FOXP1: variants seen among roughly 807,000 people sequenced by gnomAD.
FOXP1 encodes the protein forkhead box P1, also known as forkhead box protein P1.
A neutral mutation model predicts 98.2 loss-of-function variants in FOXP1; 15 were observed. The observed-to-expected ratio is 0.15, with a 90% CI of 0.10 to 0.24. The LOEUF (loss-of-function observed/expected upper bound fraction) is 0.24, where lower values mean the gene tolerates loss of function less well. FOXP1 is among the 10% of genes least tolerant of loss of function. The probability of loss-of-function intolerance (pLI) is 1.00; values close to 1 mark genes in which losing one functional copy is unlikely to be tolerated. For synonymous variants in FOXP1, 371 were observed against 314.5 expected, an observed-to-expected ratio of 1.18 and a Z score of -1.90; for missense variants, 633 against 848.5, an observed-to-expected ratio of 0.75 and a Z score of 3.15.
At chr3:71,580,240 G>A (rs535315279) in intron 2 of FOXP1, among the ~76,000 whole-genome samples, 158 of 151,788 alleles carry the variant, frequency 1.0e-3, no homozygotes, top group Non-Finnish European at 1.8e-3. Context: ...CAAAGTCTAA[G>A]GGGGGTGGGG....
intron 20 of FOXP1, among the ~76,000 whole-genome samples, chr3:70,961,577 G>A (rs1039447400): frequency 1.3e-5 from 2 of 152,034 alleles, no homozygotes; most frequent in African/African-American, 4.8e-5. Flanking sequence ...TGCAAGGAAG[G>A]CTGCATGGGG....
chr3:71,196,290 T>A (rs2063296280), intron 6 of FOXP1, among the ~76,000 whole-genome samples: 1 of 152,218 alleles, frequency 6.6e-6, no homozygotes, highest in African/African-American at 2.4e-5. Context: ...TGTTTGCAAC[T>A]GATACTTTTT....
At chr3:71,001,600 G>A (rs2042134788) in intron 12 of FOXP1, among the ~76,000 whole-genome samples, 1 of 152,052 alleles carries the variant, frequency 6.6e-6, no homozygotes, top group African/African-American at 2.4e-5. Flanking sequence ...GTGGGGGGTG[G>A]GGGAGAGAAA....
At chr3:71,562,881 C>T (rs1311815247) in intron 2 of FOXP1, among the ~76,000 whole-genome samples, 1 of 152,168 alleles carries the variant, frequency 6.6e-6, no homozygotes, top group Non-Finnish European at 1.5e-5. Context: ...CTTCCTGGGC[C>T]CATTCCTTTG....
chr3:70,985,120 A>C (rs967329535), intron 14 of FOXP1, among the ~76,000 whole-genome samples: 11 of 152,246 alleles, frequency 7.2e-5, no homozygotes, highest in Non-Finnish European at 1.5e-5. Flanking sequence ...AATGGAAAAA[A>C]GAAAAAGCTT....
At chr3:71,289,131 TC>T (rs2072488635) in intron 5 of FOXP1, among the ~76,000 whole-genome samples, 1 of 151,540 alleles carries the variant, frequency 6.6e-6, no homozygotes, top group Non-Finnish European at 1.5e-5. Context: ...GTCTCCCGGG[TC>T]CCAGTTCAAG....
chr3:70,967,599 A>T (rs142454732), intron 19 of FOXP1, among the ~76,000 whole-genome samples: 1 of 150,990 alleles, frequency 6.6e-6, no homozygotes, highest in African/African-American at 2.4e-5. Flanking sequence ...TTTTTCCAAC[A>T]GCTCTTTTAT....
intron 6 of FOXP1, among the ~76,000 whole-genome samples, chr3:71,139,212 A>T (rs1401283325): frequency 6.6e-6 from 1 of 152,190 alleles, no homozygotes; most frequent in Non-Finnish European, 1.5e-5. Context: ...TAATTGGGGT[A>T]ACGCAGAATC....
intron 7 of FOXP1, among the ~76,000 whole-genome samples, chr3:71,056,392 A>G (rs1369184704): frequency 6.6e-6 from 1 of 152,140 alleles, no homozygotes; most frequent in South Asian, 2.1e-4. Context: ...CTTTTCCCAT[A>G]ATCATTTATT....
intron 6 of FOXP1, among the ~76,000 whole-genome samples, chr3:71,126,890 C>A (rs201870705): frequency 1.2e-3 from 154 of 131,940 alleles, no homozygotes; most frequent in East Asian, 5.8e-3. Context: ...AAAACAAAAA[C>A]AAAAAAAAAA....
intron 4 of FOXP1, among the ~76,000 whole-genome samples, chr3:71,301,370 A>G (rs1450306576): frequency 6.6e-6 from 1 of 152,202 alleles, no homozygotes; most frequent in East Asian, 1.9e-4. Flanking sequence ...CAGGTCCTCA[A>G]GGTAGAGCTA....
intron 5 of FOXP1, among the ~76,000 whole-genome samples, chr3:71,204,167 T>G (rs1273799693): frequency 6.6e-6 from 1 of 152,194 alleles, no homozygotes; most frequent in African/African-American, 2.4e-5. Flanking sequence ...GTTGCATCAT[T>G]AAGATTTAAA....
At chr3:71,541,684 A>G (rs2044832745) in intron 2 of FOXP1, among the ~76,000 whole-genome samples, 1 of 152,176 alleles carries the variant, frequency 6.6e-6, no homozygotes. Flanking sequence ...CTCCGAGAGC[A>G]TTAAAAAAAA....
intron 2 of FOXP1, among the ~76,000 whole-genome samples, chr3:71,530,018 G>A (rs1433338174): frequency 6.6e-6 from 1 of 152,154 alleles, no homozygotes; most frequent in Non-Finnish European, 1.5e-5. Context: ...GTCTAGTGGG[G>A]CCGAGCCCTT....
chr3:71,278,236 A>T (rs2071125332), intron 5 of FOXP1, among the ~76,000 whole-genome samples: 1 of 152,232 alleles, frequency 6.6e-6, no homozygotes, highest in African/African-American at 2.4e-5. Flanking sequence ...AGCTACTGTC[A>T]TCAATAGCTT....
chr3:71,371,115 A>G (rs936253689), intron 3 of FOXP1, among the ~76,000 whole-genome samples: 1 of 152,122 alleles, frequency 6.6e-6, no homozygotes, highest in Non-Finnish European at 1.5e-5. Flanking sequence ...CACTATGGCT[A>G]CAGTGAGGCC....
At chr3:71,029,923 A>G (rs1434168700) in intron 11 of FOXP1, among the ~76,000 whole-genome samples, 2 of 152,216 alleles carry the variant, frequency 1.3e-5, no homozygotes, top group African/African-American at 4.8e-5. Flanking sequence ...TAGCTTTAAT[A>G]ATAATTAACA....
intron 7 of FOXP1, among the ~76,000 whole-genome samples, chr3:71,058,357 T>C (rs1449065542): frequency 1.3e-5 from 2 of 152,166 alleles, no homozygotes; most frequent in Non-Finnish European, 1.5e-5. Flanking sequence ...CTAAACACTG[T>C]TTCATTTTTA....
At chr3:71,546,363 G>C (rs2045360700) in intron 2 of FOXP1, among the ~76,000 whole-genome samples, 1 of 152,188 alleles carries the variant, frequency 6.6e-6, no homozygotes. Context: ...ACTGAGCTTA[G>C]AGAAAGGTGT....
Sources: gnomAD v4.1 joint callset for allele counts (sites outside exome capture counted in the v4.1 genomes callset) on GRCh38, gnomAD v4.1.1 for gene constraint, MANE v1.5 for transcripts, NCBI Gene and HGNC (gene_info 2026-07-23, HGNC 2026-07-21) for gene names.